The following C7orf78 variants were observed in gnomAD, a reference collection of about 807,000 sequenced individuals.
C7orf78 encodes the protein putative uncharacterized protein C7orf78.
the C7orf78 span, among the ~76,000 whole-genome samples, chr7:12,535,905 A>G: frequency 6.6e-6 from 1 of 152,200 alleles, no homozygotes. Context: ...CTGACACAAG[A>G]GGTGAGTTCC....
At chr7:12,507,319 A>C in the C7orf78 span, 6 of 160,118 alleles carry the variant, frequency 3.7e-5, no homozygotes, top group Admixed American at 3.9e-4. Flanking sequence ...AAAAAAAAAA[A>C]AAAAAGGCTA....
chr7:12,504,833 T>G, the C7orf78 span, among the ~76,000 whole-genome samples: 1 of 152,110 alleles, frequency 6.6e-6, no homozygotes, highest in Non-Finnish European at 1.5e-5. Flanking sequence ...GTCTAAAAAG[T>G]TTACTGTGAT....
chr7:12,505,422 T>C, the C7orf78 span, among the ~76,000 whole-genome samples: 2 of 152,118 alleles, frequency 1.3e-5, no homozygotes, highest in African/African-American at 4.8e-5. Flanking sequence ...AGGTACAAGT[T>C]AAAATGAAGA....
the C7orf78 span, among the ~76,000 whole-genome samples, chr7:12,537,576 G>C: frequency 6.6e-6 from 1 of 152,108 alleles, no homozygotes; most frequent in Non-Finnish European, 1.5e-5. Context: ...TCTAAAGTTG[G>C]ATGTATACAT....
chr7:12,516,564 A>G, the C7orf78 span, among the ~76,000 whole-genome samples: 686 of 152,306 alleles, frequency 4.5e-3, 8 homozygotes, highest in East Asian at 0.045. Flanking sequence ...ATCCACTGAC[A>G]GCTTGCACCA....
chr7:12,517,456 A>G, the C7orf78 span, among the ~76,000 whole-genome samples: 4 of 152,192 alleles, frequency 2.6e-5, no homozygotes, highest in Non-Finnish European at 5.9e-5. Context: ...TTCAGCTATT[A>G]TTCTGCTAAA....
chr7:12,495,213 C>A, the C7orf78 span, among the ~76,000 whole-genome samples: 1 of 152,152 alleles, frequency 6.6e-6, no homozygotes, highest in South Asian at 2.1e-4. Flanking sequence ...CCTCATCTTA[C>A]GCTGTAAATT....
At chr7:12,538,262 T>A in the C7orf78 span, 1 of 152,186 alleles carries the variant, frequency 6.6e-6, no homozygotes, top group East Asian at 1.9e-4. Context: ...TAATCTCACA[T>A]CCAATTCAAA....
chr7:12,500,881 C>A, the C7orf78 span, among the ~76,000 whole-genome samples: 4 of 147,796 alleles, frequency 2.7e-5, no homozygotes, highest in African/African-American at 1.0e-4. Flanking sequence ...GCTTATCCAC[C>A]ATGATCAAGT....
At chr7:12,497,379 G>C in the C7orf78 span, among the ~76,000 whole-genome samples, 1 of 152,242 alleles carries the variant, frequency 6.6e-6, no homozygotes, top group Non-Finnish European at 1.5e-5. Flanking sequence ...CACCGTGCGC[G>C]AGCAGAAGCA....
chr7:12,498,746 A>G, the C7orf78 span, among the ~76,000 whole-genome samples: 1 of 149,144 alleles, frequency 6.7e-6, no homozygotes, highest in Non-Finnish European at 1.5e-5. Flanking sequence ...CCGCAAAGAT[A>G]CTCCTCGAGA....
chr7:12,512,909 T>C, the C7orf78 span, among the ~76,000 whole-genome samples: 1 of 152,148 alleles, frequency 6.6e-6, no homozygotes, highest in South Asian at 2.1e-4. Context: ...GTCGGTTGTA[T>C]GCCTCCAGGA....
the C7orf78 span, chr7:12,506,867 C>G: frequency 4.3e-6 from 2 of 461,284 alleles, no homozygotes; most frequent in Non-Finnish European, 8.8e-6. Context: ...GTAGAAAAGT[C>G]TACAGTGTTG....
At chr7:12,496,527 T>C in the C7orf78 span, 2 of 152,302 alleles carry the variant, frequency 1.3e-5, no homozygotes, top group East Asian at 3.9e-4. Flanking sequence ...TAAGAAATCT[T>C]TGGAGACATT....
the C7orf78 span, among the ~76,000 whole-genome samples, chr7:12,510,868 G>T: frequency 6.6e-6 from 1 of 151,948 alleles, no homozygotes; most frequent in Admixed American, 6.6e-5. Context: ...TGTTTATTTT[G>T]CTGTGCAGAG....
the C7orf78 span, among the ~76,000 whole-genome samples, chr7:12,525,291 T>A: frequency 6.6e-6 from 1 of 152,132 alleles, no homozygotes; most frequent in Admixed American, 6.6e-5. Context: ...ATTGGTTCAA[T>A]TAAACCACTA....
the C7orf78 span, among the ~76,000 whole-genome samples, chr7:12,511,513 A>T: frequency 1.3e-5 from 2 of 152,150 alleles, no homozygotes; most frequent in African/African-American, 2.4e-5. Flanking sequence ...TAAGCATGGG[A>T]TGTTTTTCCA....
chr7:12,493,820 C>A, the C7orf78 span, among the ~76,000 whole-genome samples: 1 of 152,190 alleles, frequency 6.6e-6, no homozygotes, highest in Admixed American at 6.5e-5. Context: ...GCCTGGTCCA[C>A]AGCAAAGATC....
chr7:12,536,829 C>T, the C7orf78 span, among the ~76,000 whole-genome samples: 1 of 152,184 alleles, frequency 6.6e-6, no homozygotes, highest in African/African-American at 2.4e-5. Flanking sequence ...CTGCCAGTCT[C>T]TTGGCTAAAA....
Sources: allele counts gnomAD v4.1 joint callset (sites outside exome capture counted in the v4.1 genomes callset), GRCh38; gene constraint gnomAD v4.1.1; transcripts MANE v1.5; gene names NCBI Gene and HGNC (gene_info 2026-07-23, HGNC 2026-07-21).